The following TGM2 variants were observed in gnomAD, a reference collection of about 807,000 sequenced individuals.
The protein encoded by TGM2 is protein-glutamine gamma-glutamyltransferase 2.
TGM2 carries 53 observed loss-of-function variants against 75.6 expected under a neutral mutation model. The observed-to-expected ratio is 0.70, with a 90% CI of 0.56 to 0.88. The LOEUF (loss-of-function observed/expected upper bound fraction) is 0.88, where lower values mean the gene tolerates loss of function less well. Among genes scored for constraint, TGM2 ranks in the 40% least tolerant of loss-of-function variants. TGM2 has a pLI of 0.00. For synonymous variants in TGM2, 374 were observed against 381.1 expected, an observed-to-expected ratio of 0.98 and a Z score of 0.22; for missense variants, 842 against 928.5, an observed-to-expected ratio of 0.91 and a Z score of 1.21.
intron 10 of TGM2, among the ~76,000 whole-genome samples, chr20:38,135,670 G>A (rs2074891863): frequency 1.3e-5 from 2 of 152,074 alleles, no homozygotes; most frequent in Non-Finnish European, 2.9e-5. Context: ...AGCAGCGAGG[G>A]CCGGGTCCTT....
intron 10 of TGM2, among the ~76,000 whole-genome samples, chr20:38,134,491 G>A (rs2122856746): frequency 6.6e-6 from 1 of 152,348 alleles, no homozygotes; most frequent in East Asian, 1.9e-4. Flanking sequence ...GGAGGCCAGG[G>A]CAGGGCTGGA....
chr20:38,153,801 G>C (rs899035281), intron 3 of TGM2, among the ~76,000 whole-genome samples: 1 of 152,100 alleles, frequency 6.6e-6, no homozygotes, highest in African/African-American at 2.4e-5. Context: ...TTTCTCTGTA[G>C]TCTTGAAGCC....
At position 38,146,758 on chromosome 20, in the gene TGM2, T is replaced by C; in HGVS notation, c.818A>G (p.Lys273Arg). 1 of 1,613,832 alleles carries C rather than the reference T, an allele frequency of 6.2e-7. No individual in the cohort carries two copies. Among genetic ancestry groups the C allele is most frequent in the Non-Finnish European group, 8.5e-7 (1 of 1,179,920 alleles). ...RWKNHGCQRV[K>R]YGQCWVFAAV... ...GGCGAAGACCCAGCACTGGCCATACTTGACGCGCTGGCAGCCGTGGTTCTT... is the reference window on the plus strand; with the variant it reads ...GGCGAAGACCCAGCACTGGCCATACCTGACGCGCTGGCAGCCGTGGTTCTT... The change falls in exon 6 of 13, where the codon AAG becomes AGG. Residue 273 changes from lysine to arginine, a missense_variant. Physicochemically the swap from Lys to Arg is conservative, Grantham distance 26. Transcript: ENST00000361475.
chr20:38,149,448 C>G (rs1047299987), intron 4 of TGM2, among the ~76,000 whole-genome samples: 3 of 152,102 alleles, frequency 2.0e-5, no homozygotes, highest in Admixed American at 6.5e-5. Context: ...GAGGCTGAGG[C>G]AGGCGGATCA....
chr20:38,155,614 C>A (rs2075174646), intron 3 of TGM2, among the ~76,000 whole-genome samples: 1 of 152,170 alleles, frequency 6.6e-6, no homozygotes, highest in African/African-American at 2.4e-5. Flanking sequence ...TCCCAAAGAA[C>A]CGAGATTACA....
At position 38,161,493 on chromosome 20, in the gene TGM2, G is replaced by A; in HGVS notation, c.117C>T (p.Phe39=). 6.2e-7 allele frequency: 1 copy of A among 1,614,176 alleles called. No homozygotes were observed. The highest frequency in any genetic ancestry group is 1.1e-5 in the South Asian group (1 of 91,084). The change falls in exon 2 of 13, where the codon TTC becomes TTT. Residue 39 remains phenylalanine (F), a synonymous_variant. Coordinates refer to ENST00000361475, the MANE Select transcript of TGM2 (RefSeq NM_004613.4). ...EKLVVRRGQP[F]WLTLHFEGRN... is the part of the protein sequence containing the mutation. ...GGCCCTCAAAGTGCAGGGTCAGCCA[G>A]AAGGGCTGGCCCCGTCGCACCACCA...
intron 6 of TGM2, among the ~76,000 whole-genome samples, chr20:38,142,853 T>C (rs917196018): frequency 1.3e-5 from 2 of 152,226 alleles, no homozygotes; most frequent in Non-Finnish European, 2.9e-5. Context: ...CCTCGCACGC[T>C]GTGCTCCTCC....
intron 4 of TGM2, 66 bp downstream of exon 4, chr20:38,150,873 C>T: frequency 1.6e-6 from 2 of 1,273,280 alleles, no homozygotes; most frequent in South Asian, 2.4e-5. Flanking sequence ...TTGGCTGCCC[C>T]CAGACACAGG....
chr20:38,148,016 C>A lies in TGM2; in HGVS notation c.626G>T (p.Arg209Leu), dbSNP rs768583570. The change falls in exon 5 of 13, where the codon CGT (arginine) becomes CTT (leucine). Residue 209 changes from arginine to leucine, a missense_variant. Transcript: ENST00000361475. ...GGGGCTGCTGCGGCGGGAGCAGTCA[C>A]GGCCGGCGTTCTTCAGGAACTTGGG... ...VNPKFLKNAGRDCSRRSSPVY... is the reference protein window; with the variant it reads ...VNPKFLKNAGLDCSRRSSPVY... The A allele has an allele frequency of 6.2e-7, 1 of 1,612,128 alleles. No individual in the cohort carries two copies. The highest frequency in any genetic ancestry group is 1.3e-5 in the African/African-American group (1 of 75,038).
chr20:38,135,630 A>T (rs570346024), intron 10 of TGM2, among the ~76,000 whole-genome samples: 16 of 152,062 alleles, frequency 1.1e-4, no homozygotes, highest in African/African-American at 3.9e-4. Flanking sequence ...GTAGAGATGG[A>T]TCCTGTCTCG....
At chr20:38,165,461 G>C, upstream of TGM2, 1 of 567,780 alleles carries the variant, frequency 1.8e-6, no homozygotes, top group Non-Finnish European at 3.1e-6. Flanking sequence ...CCCCCTGGGG[G>C]AGCGGACAGG....
rs111912966 is a variant in TGM2, at chr20:38,165,209, G to C, written c.-11C>G. 2 of 1,613,370 alleles carry C rather than the reference G, an allele frequency of 1.2e-6. No homozygotes were observed. Among genetic ancestry groups the C allele is most frequent in the South Asian group, 2.2e-5 (2 of 91,084 alleles). ...CTCACCCTCGGCCATGGTCGGGCGGGGGCGGTGGCTCCTTCCACTGGCGGC... is the reference window on the plus strand; with the variant it reads ...CTCACCCTCGGCCATGGTCGGGCGGCGGCGGTGGCTCCTTCCACTGGCGGC... On this transcript the variant is annotated 5_prime_UTR_variant, in exon 1 of 13. Coordinates refer to ENST00000361475, the MANE Select transcript of TGM2 (RefSeq NM_004613.4).
chr20:38,165,090 G>A (rs1260502934), intron 1 of TGM2, 99 bp downstream of exon 1: 1 of 1,577,546 alleles, frequency 6.3e-7, no homozygotes, highest in Non-Finnish European at 8.7e-7. Context: ...TCTGCCTGTT[G>A]CTCTCCAAAT....
rs1698512380 is a variant in TGM2 at position 38,146,777 on chromosome 20, G to A, written c.799C>T (p.His267Tyr). The change falls in exon 6 of 13, where the codon CAC becomes TAC. Residue 267 changes from histidine to tyrosine, a missense_variant. Coordinates refer to ENST00000361475, the MANE Select transcript of TGM2 (RefSeq NM_004613.4). Reference sequence around the variant, plus strand: ...CCATACTTGACGCGCTGGCAGCCGTGGTTCTTCCAGCGCCGCAGGATGTCC... The same window carrying A: ...CCATACTTGACGCGCTGGCAGCCGTAGTTCTTCCAGCGCCGCAGGATGTCC... ...SVDILRRWKN[H>Y]GCQRVKYGQC... 2.5e-6 allele frequency: 4 copies of A among 1,613,818 alleles called. No homozygotes were observed. Among genetic ancestry groups the A allele is most frequent in the Non-Finnish European group, 3.4e-6 (4 of 1,179,964 alleles).
At chr20:38,144,918 C>A (rs2075026142) in intron 6 of TGM2, among the ~76,000 whole-genome samples, 1 of 152,220 alleles carries the variant, frequency 6.6e-6, no homozygotes, top group South Asian at 2.1e-4. Flanking sequence ...ATCTGCTGCT[C>A]AATCTTCAGG....
Position 38,161,451 on chromosome 20 carries a change from A to T in TGM2, c.159T>A (p.Ser53Arg), listed in dbSNP as rs1004407317. 15 of 1,614,156 alleles carry T rather than the reference A, an allele frequency of 9.3e-6. No homozygotes were observed. Among genetic ancestry groups the T allele is most frequent in the Non-Finnish European group, 1.1e-5 (13 of 1,180,014 alleles). The change falls in exon 2 of 13, where the codon AGT becomes AGA. Residue 53 changes from serine to arginine, a missense_variant. By Grantham distance (110) the Ser-to-Arg change is moderately radical. Coordinates refer to ENST00000361475, the MANE Select transcript of TGM2 (RefSeq NM_004613.4). ...CGACACTGAAGGTGAGACTGTCTAC[A>T]CTGGCCTCGTAGTTGCGGCCCTCAA... ...LHFEGRNYEASVDSLTFSVVT... is the reference protein window; with the variant it reads ...LHFEGRNYEARVDSLTFSVVT...
intron 1 of TGM2, 80 bp downstream of exon 1, chr20:38,165,109 A>G: frequency 6.2e-7 from 1 of 1,605,170 alleles, no homozygotes; most frequent in Non-Finnish European, 8.5e-7. Flanking sequence ...ATCAGGACTT[A>G]GGGATTCAGC....
In TGM2 at chr20:38,141,449, G is replaced by A. The variant is rs533712127; in HGVS notation, c.996-64C>T. ...AGCAACATTCATCGCCACCTCCCAC[G>A]GGCAGACCATGCATTCATGTCCCCA... On this transcript the variant is annotated intron_variant, in intron 7 of 12. Coordinates refer to ENST00000361475, the MANE Select transcript of TGM2 (RefSeq NM_004613.4). 54 of 1,242,592 alleles carry A rather than the reference G, an allele frequency of 4.3e-5. No homozygotes were observed. In the African/African-American group the frequency reaches 6.2e-4, roughly 14 times the overall value. 77.0% of individuals were successfully genotyped at this position (1,242,592 alleles called of 1,614,324 possible). A position where few individuals can be genotyped will look rare whatever the true frequency, so the allele number is the denominator to read the frequency against.
At chr20:38,156,671 C>G (rs1219796648) in intron 2 of TGM2, among the ~76,000 whole-genome samples, 1 of 152,174 alleles carries the variant, frequency 6.6e-6, no homozygotes, top group African/African-American at 2.4e-5. Context: ...CCCCAGGCCC[C>G]CCATCTGCTG....
Sources: gnomAD v4.1 joint callset for allele counts (sites outside exome capture counted in the v4.1 genomes callset) on GRCh38, gnomAD v4.1.1 for gene constraint, MANE v1.5 for transcripts, NCBI Gene and HGNC (gene_info 2026-07-23, HGNC 2026-07-21) for gene names.